The following NR3C2 variants were observed in gnomAD, a reference collection of about 807,000 sequenced individuals.
NR3C2 encodes the protein nuclear receptor subfamily 3 group C member 2, also known as mineralocorticoid receptor.
Under a neutral mutation model 86.4 loss-of-function variants are expected in NR3C2, and 15 were observed. The observed-to-expected ratio is 0.17, with a 90% confidence interval of 0.12 to 0.27. The LOEUF (loss-of-function observed/expected upper bound fraction) is 0.27, where lower values mean the gene tolerates loss of function less well. Ranked by LOEUF, NR3C2 falls within the 10% of genes least tolerant of loss-of-function variation. NR3C2 has a pLI of 1.00. For synonymous variants in NR3C2, 458 were observed against 450.5 expected, an observed-to-expected ratio of 1.02 and a Z score of -0.21; for missense variants, 960 against 1,195.6, an observed-to-expected ratio of 0.80 and a Z score of 2.91.
At chr4:148,118,114 T>C (rs4835485) in intron 7 of NR3C2, among the ~76,000 whole-genome samples, 79,682 of 152,000 alleles carry the variant, frequency 0.52, 21,074 homozygotes, top group East Asian at 0.71. Flanking sequence ...TGTTGGAAAA[T>C]GCCTGTGCTG....
At chr4:148,336,619 C>T (rs915825275) in intron 2 of NR3C2, among the ~76,000 whole-genome samples, 1 of 152,074 alleles carries the variant, frequency 6.6e-6, no homozygotes, top group Admixed American at 6.5e-5. Flanking sequence ...GAGAAGTAAG[C>T]TACAGCTGAG....
chr4:148,094,574 G>T (rs1731194456), intron 8 of NR3C2, among the ~76,000 whole-genome samples: 1 of 152,010 alleles, frequency 6.6e-6, no homozygotes, highest in Non-Finnish European at 1.5e-5. Context: ...AATTAGCCGG[G>T]TGTGGTGATG....
At chr4:148,239,573 A>G (rs1284042544) in intron 3 of NR3C2, among the ~76,000 whole-genome samples, 1 of 152,190 alleles carries the variant, frequency 6.6e-6, no homozygotes, top group Non-Finnish European at 1.5e-5. Flanking sequence ...AACCACAACT[A>G]CAAAGATGCA....
At chr4:148,426,252 A>G (rs1749524384) in intron 2 of NR3C2, among the ~76,000 whole-genome samples, 1 of 152,130 alleles carries the variant, frequency 6.6e-6, no homozygotes, top group Non-Finnish European at 1.5e-5. Context: ...GCCAATCACA[A>G]TCCAATCCAA....
At chr4:148,392,648 G>T (rs1747646369) in intron 2 of NR3C2, among the ~76,000 whole-genome samples, 2 of 152,272 alleles carry the variant, frequency 1.3e-5, no homozygotes, top group South Asian at 4.1e-4. Flanking sequence ...GACTGAGAAG[G>T]CAGGTCAAGG....
chr4:148,156,571 C>T (rs1734397936), intron 4 of NR3C2, among the ~76,000 whole-genome samples: 2 of 152,278 alleles, frequency 1.3e-5, no homozygotes, highest in East Asian at 3.9e-4. Context: ...TCATCACTGG[C>T]CATCAGAGAA....
In NR3C2 at chr4:148,420,784, T is replaced by A. The variant is rs143501986; in HGVS notation, c.1757+14320A>T. On this transcript the variant is annotated intron_variant, in intron 2 of 8. Transcript: ENST00000358102. ...CCTTGCTGCTGTCTTGTGATAGGGT[T>A]CTCATGAGATCTGGTTATTCAAAAG... Among the ~76,000 whole-genome samples the A allele has an allele frequency of 1.1e-3, 173 of 152,266 alleles. 2 individuals are homozygous for A. Among genetic ancestry groups the A allele is most frequent in the Non-Finnish European group, 1.4e-3 (97 of 68,012 alleles).
intron 3 of NR3C2, among the ~76,000 whole-genome samples, chr4:148,222,404 T>C (rs995792321): frequency 6.6e-6 from 1 of 152,182 alleles, no homozygotes; most frequent in Non-Finnish European, 1.5e-5. Flanking sequence ...TAGCCAATAA[T>C]GATTGCCTGA....
chr4:148,240,001 G>A (rs1358009560), intron 3 of NR3C2, among the ~76,000 whole-genome samples: 1 of 151,968 alleles, frequency 6.6e-6, no homozygotes, highest in Admixed American at 6.6e-5. Context: ...ATGTGTGTGC[G>A]TGTGTGGGGG....
In NR3C2 at chr4:148,154,908, G is replaced by A; in HGVS notation, c.2015-7C>T. The A allele has an allele frequency of 6.4e-7, 1 of 1,550,594 alleles. No homozygotes were observed. Among genetic ancestry groups the A allele is most frequent in the Non-Finnish European group, 8.7e-7 (1 of 1,146,898 alleles). ...AACTTCTTTGACTTTCGTGCTATAAGAAACCATAAATGATAAGGCCAAATT... is the reference window on the plus strand; with the variant it reads ...AACTTCTTTGACTTTCGTGCTATAAAAAACCATAAATGATAAGGCCAAATT... On this transcript the variant is annotated splice_polypyrimidine_tract_variant and splice_region_variant and intron_variant, in intron 4 of 8. Coordinates refer to ENST00000358102, the MANE Select transcript of NR3C2 (RefSeq NM_000901.5).
rs1007109807 is a variant in NR3C2, at chr4:148,079,774, C to T, written c.*1570G>A. ...TTATGTATAAAACTTATTTTTAAAA[C>T]CTACCTTTTAAAAATCTAAAACCCC... On this transcript the variant is annotated 3_prime_UTR_variant, in exon 9 of 9. Coordinates refer to ENST00000358102, the MANE Select transcript of NR3C2 (RefSeq NM_000901.5). The T allele has an allele frequency of 2.6e-5, 4 of 152,542 alleles. No individual in the cohort carries two copies. The highest frequency in any genetic ancestry group is 9.7e-5 in the African/African-American group (4 of 41,418). 9.4% of individuals were successfully genotyped at this position (152,542 alleles called of 1,614,324 possible). A position where few individuals can be genotyped will look rare whatever the true frequency, so the allele number is the denominator to read the frequency against.
intron 2 of NR3C2, among the ~76,000 whole-genome samples, chr4:148,363,008 G>T (rs554521385): frequency 1.3e-5 from 2 of 152,284 alleles, no homozygotes; most frequent in Non-Finnish European, 2.9e-5. Flanking sequence ...GTTAGATTTT[G>T]AATCAGAAGA....
intron 7 of NR3C2, among the ~76,000 whole-genome samples, chr4:148,118,604 C>G (rs1384441088): frequency 6.6e-6 from 1 of 152,140 alleles, no homozygotes; most frequent in Non-Finnish European, 1.5e-5. Flanking sequence ...AGTCCCAGTC[C>G]CCAGTTCTCC....
At chr4:148,241,458 C>T (rs1350946554) in intron 3 of NR3C2, among the ~76,000 whole-genome samples, 1 of 151,804 alleles carries the variant, frequency 6.6e-6, no homozygotes, top group Non-Finnish European at 1.5e-5. Flanking sequence ...ACCACATTAG[C>T]CATTGCCTTT....
At chr4:148,090,506 A>T (rs1027176074) in intron 8 of NR3C2, among the ~76,000 whole-genome samples, 4 of 152,228 alleles carry the variant, frequency 2.6e-5, no homozygotes, top group African/African-American at 9.6e-5. Context: ...TAAGAAAAGG[A>T]ACAAGTAAGT....
At chr4:148,130,869 G>A (rs1284892813) in intron 6 of NR3C2, among the ~76,000 whole-genome samples, 2 of 141,914 alleles carry the variant, frequency 1.4e-5, no homozygotes, top group Non-Finnish European at 1.5e-5. Flanking sequence ...TATCGCCCAG[G>A]CTGGAGTGCA....
At chr4:148,265,268 T>C (rs1740320303) in intron 2 of NR3C2, among the ~76,000 whole-genome samples, 1 of 152,110 alleles carries the variant, frequency 6.6e-6, no homozygotes, top group South Asian at 2.1e-4. Context: ...TAACCAAAGG[T>C]TTATACTGAT....
Position 148,298,987 on chromosome 4 carries a change from T to C in NR3C2, c.1758-38870A>G, listed in dbSNP as rs1340070507. 4.6e-5 allele frequency among the ~76,000 whole-genome samples: 7 copies of C among 152,290 alleles called. No individual in the cohort carries two copies. The East Asian group carries it at 1.4e-3, about 29-fold the overall frequency. ...GAGAATGGGGTGGAGCCACCAGGAATTCGCACCTTATGCAAGGGGGAAGAG... is the reference window on the plus strand; with the variant it reads ...GAGAATGGGGTGGAGCCACCAGGAACTCGCACCTTATGCAAGGGGGAAGAG... On this transcript the variant is annotated intron_variant, in intron 2 of 8. Transcript: ENST00000358102.
chr4:148,432,138 C>T lies in NR3C2; in HGVS notation c.1757+2966G>A, dbSNP rs371147780. ...AACAATATTTCCCCAAACAAAAATC[C>T]TTAGTGAGAAGAGTGGCACTGTTTA... is the stretch of plus-strand genomic sequence containing the variant. On this transcript the variant is annotated intron_variant, in intron 2 of 8. Transcript: ENST00000358102. Among the ~76,000 whole-genome samples the T allele has an allele frequency of 1.1e-4, 17 of 151,996 alleles. No individual in the cohort carries two copies. The East Asian group carries it at 2.5e-3, about 22-fold the overall frequency.
Sources: allele counts gnomAD v4.1 joint callset (sites outside exome capture counted in the v4.1 genomes callset), GRCh38; gene constraint gnomAD v4.1.1; transcripts MANE v1.5; gene names NCBI Gene and HGNC (gene_info 2026-07-23, HGNC 2026-07-21).